SNTG1: variants seen among roughly 807,000 people sequenced by gnomAD.
SNTG1 encodes the protein gamma-1-syntrophin.
SNTG1 carries 39 observed loss-of-function variants against 74.7 expected under a neutral mutation model. The observed-to-expected ratio is 0.52, with a 90% confidence interval of 0.40 to 0.68. The LOEUF (loss-of-function observed/expected upper bound fraction) is 0.68, where lower values mean the gene tolerates loss of function less well. Among genes scored for constraint, SNTG1 ranks in the 30% least tolerant of loss-of-function variants. The probability of loss-of-function intolerance (pLI) is 0.00; values close to 1 mark genes in which losing one functional copy is unlikely to be tolerated. For synonymous variants in SNTG1, 254 were observed against 217.1 expected (o/e 1.17, Z -1.49); for missense variants, 685 against 609.5 (o/e 1.12, Z -1.30).
chr8:50,020,379 C>T (rs938664796), intron 1 of SNTG1, among the ~76,000 whole-genome samples: 1 of 152,116 alleles, frequency 6.6e-6, no homozygotes, highest in African/African-American at 2.4e-5. Context: ...TGCCAGGCTG[C>T]TATTCATCTC....
chr8:50,160,043 G>A lies in SNTG1; in HGVS notation c.-102-12518G>A, dbSNP rs530857799. Among the ~76,000 whole-genome samples the A allele has an allele frequency of 4.0e-4, 61 of 152,256 alleles. 1 individual carries two copies. Among genetic ancestry groups the A allele is most frequent in the Middle Eastern group, 3.4e-3 (1 of 294 alleles). ...GAACAATAAAACAGTAGCAAACTCT[G>A]CATGTTTGATATTTATGCAGGACAA... On this transcript the variant is annotated intron_variant, in intron 1 of 18. Transcript: ENST00000642720.
intron 1 of SNTG1, among the ~76,000 whole-genome samples, chr8:50,041,186 A>G (rs915331194): frequency 2.6e-5 from 4 of 152,156 alleles, no homozygotes; most frequent in Non-Finnish European, 4.4e-5. Context: ...GTGAGCCACC[A>G]CACCTGGCCA....
intron 1 of SNTG1, among the ~76,000 whole-genome samples, chr8:50,144,840 A>G (rs2081800186): frequency 6.6e-6 from 1 of 152,226 alleles, no homozygotes; most frequent in Non-Finnish European, 1.5e-5. Context: ...GAAAGGGATC[A>G]ATAGTTGTAT....
intron 1 of SNTG1, among the ~76,000 whole-genome samples, chr8:49,968,076 G>GC (rs1554533561): frequency 6.7e-6 from 1 of 149,980 alleles, no homozygotes; most frequent in East Asian, 2.0e-4. Flanking sequence ...AACAGTCTTT[G>GC]TTTTTTTTTC....
intron 2 of SNTG1, among the ~76,000 whole-genome samples, chr8:50,311,697 T>C (rs1220878158): frequency 6.6e-6 from 1 of 152,238 alleles, no homozygotes; most frequent in East Asian, 1.9e-4. Context: ...ATATTTCTTA[T>C]GAACTCAACA....
intron 11 of SNTG1, among the ~76,000 whole-genome samples, chr8:50,552,342 G>C (rs548042772): frequency 2.0e-5 from 3 of 152,188 alleles, no homozygotes; most frequent in Admixed American, 6.5e-5. Flanking sequence ...ATTTTAAAAG[G>C]CATCATTTAA....
At chr8:50,465,056 C>G (rs1340134085) in intron 8 of SNTG1, among the ~76,000 whole-genome samples, 2 of 151,816 alleles carry the variant, frequency 1.3e-5, no homozygotes, top group Admixed American at 6.6e-5. Flanking sequence ...AAGTCAAGCA[C>G]AAGGAAACAA....
chr8:49,945,934 A>G (rs1188175731), intron 1 of SNTG1, among the ~76,000 whole-genome samples: 1 of 152,208 alleles, frequency 6.6e-6, no homozygotes, highest in East Asian at 1.9e-4. Flanking sequence ...AGGTCATTAT[A>G]AGCATCTTCT....
At chr8:50,741,525 G>A (rs1435590196) in intron 17 of SNTG1, among the ~76,000 whole-genome samples, 2 of 152,012 alleles carry the variant, frequency 1.3e-5, no homozygotes, top group African/African-American at 2.4e-5. Context: ...TTATTCCATG[G>A]TATTTACTCA....
chr8:50,790,832 A>G (rs2095688745), intron 18 of SNTG1, among the ~76,000 whole-genome samples: 1 of 151,932 alleles, frequency 6.6e-6, no homozygotes, highest in South Asian at 2.1e-4. Flanking sequence ...TTTTCTAAAG[A>G]TGCCTGGATA....
At chr8:50,042,551 A>C (rs1818729245) in intron 1 of SNTG1, among the ~76,000 whole-genome samples, 2 of 151,998 alleles carry the variant, frequency 1.3e-5, no homozygotes, top group African/African-American at 4.8e-5. Context: ...ACAGACAGAG[A>C]CGGTCTTTAA....
At chr8:50,122,783 A>G (rs868712096) in intron 1 of SNTG1, among the ~76,000 whole-genome samples, 2 of 141,706 alleles carry the variant, frequency 1.4e-5, no homozygotes, top group African/African-American at 5.1e-5. Context: ...CAAGAGATAT[A>G]CCAGCTAAAA....
intron 15 of SNTG1, among the ~76,000 whole-genome samples, chr8:50,704,156 A>AT (rs1201936118): frequency 6.6e-6 from 1 of 151,962 alleles, no homozygotes; most frequent in Non-Finnish European, 1.5e-5. Flanking sequence ...AATTAGACTC[A>AT]TTTTCTTTTT....
intron 2 of SNTG1, among the ~76,000 whole-genome samples, chr8:50,333,730 G>A (rs944060991): frequency 1.3e-5 from 2 of 152,094 alleles, no homozygotes; most frequent in Non-Finnish European, 1.5e-5. Context: ...TGAGGCCAAC[G>A]TTGTTTCCAA....
intron 18 of SNTG1, among the ~76,000 whole-genome samples, chr8:50,759,330 A>G (rs530771310): frequency 1.1e-3 from 164 of 152,022 alleles, no homozygotes; most frequent in African/African-American, 3.8e-3. Flanking sequence ...CTCGTTTGTC[A>G]ATTTTGGCTT....
chr8:50,698,611 G>T (rs990439618), intron 15 of SNTG1, among the ~76,000 whole-genome samples: 13 of 152,228 alleles, frequency 8.5e-5, no homozygotes, highest in African/African-American at 3.1e-4. Flanking sequence ...CCAGGATACT[G>T]TTAGAGCCTC....
At chr8:50,418,660 T>C (rs911689171) in intron 4 of SNTG1, among the ~76,000 whole-genome samples, 21 of 152,078 alleles carry the variant, frequency 1.4e-4, no homozygotes, top group Admixed American at 7.9e-4. Context: ...ATTTTCAACT[T>C]AAACATGAAG....
intron 17 of SNTG1, among the ~76,000 whole-genome samples, chr8:50,716,769 G>A (rs186081597): frequency 3.2e-4 from 47 of 147,290 alleles, no homozygotes; most frequent in Non-Finnish European, 4.7e-4. Flanking sequence ...GTCTCACACT[G>A]TCGCCCAGGC....
At chr8:50,783,720 G>C (rs939992829) in intron 18 of SNTG1, among the ~76,000 whole-genome samples, 1 of 152,174 alleles carries the variant, frequency 6.6e-6, no homozygotes, top group East Asian at 1.9e-4. Flanking sequence ...TGCGCCCACT[G>C]TCTGGCACTC....
Sources: gnomAD v4.1 joint callset for allele counts (sites outside exome capture counted in the v4.1 genomes callset) on GRCh38, gnomAD v4.1.1 for gene constraint, MANE v1.5 for transcripts, NCBI Gene and HGNC (gene_info 2026-07-23, HGNC 2026-07-21) for gene names.